NPSR1: variants seen among roughly 807,000 people sequenced by gnomAD.
The protein encoded by NPSR1 is neuropeptide S receptor 1.
Under a neutral mutation model 46.9 loss-of-function variants are expected in NPSR1, and 48 were observed. The observed-to-expected ratio is 1.02, with a 90% CI of 0.81 to 1.30. The LOEUF (loss-of-function observed/expected upper bound fraction) is 1.30. Ranked by LOEUF, NPSR1 falls within the 50% of genes most tolerant of loss-of-function variation. NPSR1 has a pLI of 0.00. For synonymous variants in NPSR1, 176 were observed against 168.1 expected (o/e 1.05, Z -0.36); for missense variants, 450 against 449.5 (o/e 1.00, Z -0.01).
chr7:34,699,002 A>C (rs553281069), intron 2 of NPSR1, among the ~76,000 whole-genome samples: 2 of 152,300 alleles, frequency 1.3e-5, no homozygotes, highest in East Asian at 3.9e-4. Context: ...TGACCATCTG[A>C]TTAAGGAGAA....
intron 2 of NPSR1, among the ~76,000 whole-genome samples, chr7:34,761,853 A>G (rs1191034344): frequency 6.6e-6 from 1 of 152,372 alleles, no homozygotes; most frequent in African/African-American, 2.4e-5. Context: ...CCATGCCTCA[A>G]GAAATTTCCC....
At chr7:34,860,144 A>G (rs1791155041) in intron 8 of NPSR1, among the ~76,000 whole-genome samples, 2 of 151,770 alleles carry the variant, frequency 1.3e-5, no homozygotes, top group Admixed American at 1.3e-4. Context: ...ATGCCCAAAC[A>G]AGAGCCAAGT....
rs542274778 is a variant in NPSR1 at position 34,689,741 on chromosome 7, G to A, written c.280+5057G>A. ...GCAAATCACTTGAGCTTAGGAATTC[G>A]TAACCAACCTGGGCAACATAGTGAG... On this transcript the variant is annotated intron_variant, in intron 2 of 8. Transcript: ENST00000360581. 1.8e-4 allele frequency among the ~76,000 whole-genome samples: 27 copies of A among 150,856 alleles called. No homozygotes were observed. The East Asian group carries it at 2.9e-3, about 16-fold the overall frequency.
intron 1 of NPSR1, among the ~76,000 whole-genome samples, chr7:34,672,556 GC>G (rs1792112509): frequency 1.3e-5 from 2 of 152,186 alleles, no homozygotes; most frequent in African/African-American, 2.4e-5. Flanking sequence ...ATGATCTACG[GC>G]CCATGGTACT....
At chr7:34,691,691 C>A (rs978830911) in intron 2 of NPSR1, among the ~76,000 whole-genome samples, 3 of 152,168 alleles carry the variant, frequency 2.0e-5, no homozygotes, top group Non-Finnish European at 2.9e-5. Flanking sequence ...ACACGACCAA[C>A]ACTGGAGAGC....
At chr7:34,808,408 T>G (rs1788812659) in intron 3 of NPSR1, among the ~76,000 whole-genome samples, 2 of 152,168 alleles carry the variant, frequency 1.3e-5, no homozygotes, top group Non-Finnish European at 2.9e-5. Context: ...AATATATCTC[T>G]ATCAAGGTTA....
At chr7:34,790,985 ATTATATATG>A (rs1787785437) in intron 3 of NPSR1, among the ~76,000 whole-genome samples, 1 of 120,974 alleles carries the variant, frequency 8.3e-6, no homozygotes, top group Non-Finnish European at 1.6e-5. Context: ...TATATGTTAT[ATTATATATG>A]TTATATGTTA....
At chr7:34,729,426 A>C (rs1204136744) in intron 2 of NPSR1, among the ~76,000 whole-genome samples, 6 of 152,206 alleles carry the variant, frequency 3.9e-5, no homozygotes, top group Admixed American at 3.9e-4. Context: ...CAATGAACAC[A>C]TACAAAGAGT....
intron 8 of NPSR1, among the ~76,000 whole-genome samples, chr7:34,863,986 C>T (rs1290914063): frequency 4.0e-5 from 6 of 151,658 alleles, no homozygotes; most frequent in Non-Finnish European, 7.4e-5. Flanking sequence ...AAATGTCCAT[C>T]AATAGACTGG....
At chr7:34,727,597 T>G (rs1583891524) in intron 2 of NPSR1, among the ~76,000 whole-genome samples, 1 of 152,222 alleles carries the variant, frequency 6.6e-6, no homozygotes, top group South Asian at 2.1e-4. Context: ...CTGATCATGA[T>G]TCTCAACAAT....
At chr7:34,792,713 A>ATT (rs1554331557) in intron 3 of NPSR1, among the ~76,000 whole-genome samples, 44 of 90,600 alleles carry the variant, frequency 4.9e-4, no homozygotes, top group African/African-American at 1.8e-3. Context: ...ATATATATAT[A>ATT]TTTATATATA....
intron 1 of NPSR1, among the ~76,000 whole-genome samples, chr7:34,684,274 T>C (rs6957774): frequency 0.18 from 26,858 of 152,126 alleles, 3,445 homozygotes; most frequent in African/African-American, 0.36. Context: ...CTTTTTCACA[T>C]CTTGACCTAC....
intron 3 of NPSR1, among the ~76,000 whole-genome samples, chr7:34,797,105 C>A (rs1036798412): frequency 2.6e-5 from 4 of 152,150 alleles, no homozygotes; most frequent in Non-Finnish European, 5.9e-5. Flanking sequence ...AAGCTACATA[C>A]TGTAGATTCC....
At chr7:34,802,226 A>C (rs1788457050) in intron 3 of NPSR1, among the ~76,000 whole-genome samples, 1 of 150,430 alleles carries the variant, frequency 6.6e-6, no homozygotes, top group African/African-American at 2.5e-5. Context: ...TTTAAACTTC[A>C]TATGGAACCA....
chr7:34,822,158 C>A (rs1179955888), intron 4 of NPSR1, among the ~76,000 whole-genome samples: 1 of 152,142 alleles, frequency 6.6e-6, no homozygotes, highest in Non-Finnish European at 1.5e-5. Flanking sequence ...TGAGGGCAGC[C>A]GGTGAGAACG....
At chr7:34,679,587 G>A (rs1050623958) in intron 1 of NPSR1, among the ~76,000 whole-genome samples, 1 of 151,966 alleles carries the variant, frequency 6.6e-6, no homozygotes, top group Non-Finnish European at 1.5e-5. Flanking sequence ...TCTTATCAAT[G>A]GCATAATGTT....
At chr7:34,792,265 CA>C (rs1787915318) in intron 3 of NPSR1, among the ~76,000 whole-genome samples, 1 of 151,682 alleles carries the variant, frequency 6.6e-6, no homozygotes, top group Non-Finnish European at 1.5e-5. Flanking sequence ...AACAATGAAT[CA>C]AATGAAAAGG....
chr7:34,840,588 T>C (rs1790526464), intron 6 of NPSR1, among the ~76,000 whole-genome samples: 1 of 152,084 alleles, frequency 6.6e-6, no homozygotes. Context: ...ACTGAGGCCC[T>C]GAGAGGTGGA....
At chr7:34,877,991 C>G (rs1199050084) in intron 8 of NPSR1, 1 of 735,918 alleles carries the variant, frequency 1.4e-6, no homozygotes, top group African/African-American at 1.8e-5. Flanking sequence ...GAAATGACCA[C>G]AGTGAGGTCA....
Sources: allele counts gnomAD v4.1 joint callset (sites outside exome capture counted in the v4.1 genomes callset), GRCh38; gene constraint gnomAD v4.1.1; transcripts MANE v1.5; gene names NCBI Gene and HGNC (gene_info 2026-07-23, HGNC 2026-07-21).